Variants in CFAP418 observed in about 807,000 individuals in gnomAD.
CFAP418 encodes cilia- and flagella-associated protein 418.
CFAP418 carries 27 observed loss-of-function variants against 24.7 expected under a neutral mutation model. That is an observed-to-expected ratio of 1.09 (90% confidence interval 0.81 to 1.51). The LOEUF (loss-of-function observed/expected upper bound fraction) is 1.51, where lower values mean the gene tolerates loss of function less well. Among genes scored for constraint, CFAP418 ranks in the 40% most tolerant of loss-of-function variants. The pLI is 0.00. For missense variants in CFAP418, 257 were observed against 255.2 expected (o/e 1.01, Z -0.05); for synonymous variants, 74 against 87.3 (o/e 0.85, Z 0.85).
At chr8:95,269,008 A>G in intron 1 of CFAP418, 27 bp downstream of exon 1, 1 of 1,609,894 alleles carries the variant, frequency 6.2e-7, no homozygotes, top group East Asian at 2.2e-5. Context: ...CTTTACCAGA[A>G]CAGTCCACCC....
At chr8:95,259,972 A>C (rs1290781023) in intron 3 of CFAP418, 67 bp from the exon 4 acceptor site, 5 of 1,416,140 alleles carry the variant, frequency 3.5e-6, no homozygotes, top group African/African-American at 1.5e-5. Context: ...TAATTTGGCC[A>C]TGTTAAAAAA....
intron 1 of CFAP418, among the ~76,000 whole-genome samples, chr8:95,267,103 C>T (rs991343696): frequency 9.2e-5 from 14 of 152,162 alleles, no homozygotes; most frequent in Non-Finnish European, 1.5e-4. Context: ...TAAGGAATTC[C>T]AGTACACAAG....
At chr8:95,261,828 A>G (rs1210718728) in intron 2 of CFAP418, among the ~76,000 whole-genome samples, 2 of 152,226 alleles carry the variant, frequency 1.3e-5, no homozygotes, top group Non-Finnish European at 2.9e-5. Flanking sequence ...CTGAAAAGAT[A>G]GCGCCTCATA....
intron 4 of CFAP418, among the ~76,000 whole-genome samples, chr8:95,258,331 G>C (rs1178078983): frequency 7.1e-6 from 1 of 140,198 alleles, no homozygotes; most frequent in Non-Finnish European, 1.5e-5. Context: ...GCAGAGAGCC[G>C]AGACTGCGCC....
chr8:95,268,901 G>C lies in CFAP418; in HGVS notation c.155+134C>G. The C allele has an allele frequency of 3.2e-6, 3 of 948,280 alleles. No homozygotes were observed. The Admixed American group carries it at 7.0e-5, about 22-fold the overall frequency. 58.7% of individuals were successfully genotyped at this position (948,280 alleles called of 1,614,324 possible). A position where few individuals can be genotyped will look rare whatever the true frequency, so the allele number is the denominator to read the frequency against. ...GCGCTGCCGCGGAGGGTAGGGCGCT[G>C]AGGGTCTGAACCCTGATGCAAGGAG... On this transcript the variant is annotated intron_variant, in intron 1 of 5. Coordinates refer to ENST00000286688, the MANE Select transcript of CFAP418 (RefSeq NM_177965.4).
At chr8:95,252,760 CA>C (rs540249673) in intron 4 of CFAP418, among the ~76,000 whole-genome samples, 28 of 152,204 alleles carry the variant, frequency 1.8e-4, no homozygotes, top group South Asian at 1.2e-3. Flanking sequence ...TGCTTCCTCA[CA>C]ACTTGGCATA....
chr8:95,268,751 C>T, intron 1 of CFAP418: 1 of 113,398 alleles, frequency 8.8e-6, no homozygotes, highest in Non-Finnish European at 1.5e-5. Flanking sequence ...GCGGGCTCTG[C>T]GGGCGGGGCG....
chr8:95,263,646 A>G (rs1164110786), intron 2 of CFAP418, 41 bp downstream of exon 2: 2 of 1,259,532 alleles, frequency 1.6e-6, no homozygotes, highest in Non-Finnish European at 2.3e-6. Flanking sequence ...ATGTCTTGAA[A>G]TAATGACAGA....
chr8:95,257,212 G>A (rs1408603471), intron 4 of CFAP418, among the ~76,000 whole-genome samples: 2 of 152,150 alleles, frequency 1.3e-5, no homozygotes, highest in Non-Finnish European at 2.9e-5. Flanking sequence ...AGTCCCAACT[G>A]AGTTGAGACA....
In CFAP418 at chr8:95,267,876, G is replaced by T. The variant is rs919441840; in HGVS notation, c.155+1159C>A. Among the ~76,000 whole-genome samples the T allele has an allele frequency of 7.0e-3, 955 of 137,294 alleles. 12 individuals are homozygous for T. The highest frequency in any genetic ancestry group is 0.023 in the African/African-American group (886 of 38,352). The allele number at this position is 137,294 out of a possible 152,430, so 90.1% of individuals were successfully genotyped here. On this transcript the variant is annotated intron_variant, in intron 1 of 5. Transcript: ENST00000286688. ...GTCAATATTCTTATGCAAACATTTT[G>T]TTTTTTTTTTTTGAGGGGTTGTGGG...
chr8:95,263,747 ATCT>A lies in CFAP418; in HGVS notation c.180_182del (p.Glu60del), dbSNP rs767687820. On this transcript the variant is annotated inframe_deletion, in exon 2 of 6. Coordinates refer to ENST00000286688, the MANE Select transcript of CFAP418 (RefSeq NM_177965.4). Reference sequence around the variant, plus strand: ...TTTCATTAATAAGACTGTCAAGATCATCTTCTTTTTTAAATGTTTCTGTTGATC... The same window carrying A: ...TTTCATTAATAAGACTGTCAAGATCATCTTTTTTAAATGTTTCTGTTGATC... The A allele has an allele frequency of 1.7e-5, 27 of 1,608,676 alleles. No individual in the cohort carries two copies. Among genetic ancestry groups the A allele is most frequent in the Middle Eastern group, 1.6e-4 (1 of 6,062 alleles).
chr8:95,256,258 A>T (rs1043600793), intron 4 of CFAP418, among the ~76,000 whole-genome samples: 1 of 152,220 alleles, frequency 6.6e-6, no homozygotes, highest in African/African-American at 2.4e-5. Flanking sequence ...AACAGAAGGC[A>T]CCTGTAATTA....
At chr8:95,264,872 G>GTC (rs1461605853) in intron 1 of CFAP418, among the ~76,000 whole-genome samples, 3 of 152,144 alleles carry the variant, frequency 2.0e-5, no homozygotes, top group Non-Finnish European at 4.4e-5. Context: ...TACCCTTAAT[G>GTC]TCTTTCACTG....
intron 1 of CFAP418, among the ~76,000 whole-genome samples, chr8:95,268,162 C>CT (rs1267782254): frequency 6.6e-6 from 1 of 152,114 alleles, no homozygotes; most frequent in East Asian, 1.9e-4. Flanking sequence ...ATAAAACAAA[C>CT]TGAGTCAGGT....
intron 4 of CFAP418, among the ~76,000 whole-genome samples, chr8:95,253,106 G>A (rs902855194): frequency 2.0e-5 from 3 of 152,038 alleles, no homozygotes; most frequent in African/African-American, 4.8e-5. Flanking sequence ...TCAGGAGATC[G>A]AGACCATCCT....
chr8:95,268,205 G>C (rs1164237606), intron 1 of CFAP418, among the ~76,000 whole-genome samples: 1 of 152,182 alleles, frequency 6.6e-6, no homozygotes, highest in Non-Finnish European at 1.5e-5. Flanking sequence ...CTAGCAGTTA[G>C]GGGAGGCAGA....
At chr8:95,262,841 T>A (rs1321110288) in intron 2 of CFAP418, among the ~76,000 whole-genome samples, 2 of 152,154 alleles carry the variant, frequency 1.3e-5, no homozygotes, top group Admixed American at 6.5e-5. Context: ...TCAAAATTTG[T>A]ATGCCTTTTC....
At chr8:95,268,334 C>T (rs1812040603) in intron 1 of CFAP418, among the ~76,000 whole-genome samples, 1 of 151,800 alleles carries the variant, frequency 6.6e-6, no homozygotes, top group Non-Finnish European at 1.5e-5. Flanking sequence ...TTACGTAATC[C>T]CAGATTACAG....
intron 2 of CFAP418, among the ~76,000 whole-genome samples, chr8:95,262,927 A>G (rs1428780475): frequency 6.6e-6 from 1 of 152,240 alleles, no homozygotes; most frequent in Non-Finnish European, 1.5e-5. Context: ...AATGTCCATC[A>G]TCAGGGAAGT....
Sources: allele counts gnomAD v4.1 joint callset (sites outside exome capture counted in the v4.1 genomes callset), GRCh38; gene constraint gnomAD v4.1.1; transcripts MANE v1.5; gene names NCBI Gene and HGNC (gene_info 2026-07-23, HGNC 2026-07-21).